Variants in RASGRF2 observed in about 807,000 individuals in gnomAD.
RASGRF2 encodes the protein Ras protein specific guanine nucleotide releasing factor 2.
RASGRF2 carries 76 observed loss-of-function variants against 151.0 expected under a neutral mutation model. That is an observed-to-expected ratio of 0.50 (90% confidence interval 0.42 to 0.61). The LOEUF is 0.61. Among genes scored for constraint, RASGRF2 ranks in the 20% least tolerant of loss-of-function variants. RASGRF2 has a pLI of 0.00. For synonymous variants in RASGRF2, 504 were observed against 566.5 expected (o/e 0.89, Z 1.57); for missense variants, 1,148 against 1,564.6 (o/e 0.73, Z 4.49).
rs58105434 is a variant in RASGRF2, at chr5:81,008,139, C to CTTTTTTTTTTTTTTTTTTTTTTTTT, written c.289-34733_289-34709dup. Among the ~76,000 whole-genome samples, 5 of 85,388 alleles carry CTTTTTTTTTTTTTTTTTTTTTTTTT rather than the reference C, an allele frequency of 5.9e-5. 1 individual carries two copies. Among genetic ancestry groups the CTTTTTTTTTTTTTTTTTTTTTTTTT allele is most frequent in the African/African-American group, 1.4e-4 (3 of 21,470 alleles). 56.0% of individuals were successfully genotyped at this position (85,388 alleles called of 152,430 possible). On this transcript the variant is annotated intron_variant, in intron 1 of 26. Coordinates refer to ENST00000265080, the MANE Select transcript of RASGRF2 (RefSeq NM_006909.3). Reference sequence around the variant, plus strand: ...AGTTTTCTTTTTCTTTCTTTCTTTCCTTTTTTTTTTTTTTTTTTTTTTTTT... The same window carrying CTTTTTTTTTTTTTTTTTTTTTTTTT: ...AGTTTTCTTTTTCTTTCTTTCTTTCCTTTTTTTTTTTTTTTTTTTTTTTTTTTTTTTTTTTTTTTTTTTTTTTTTT...
At chr5:81,020,158 G>A (rs1749778889) in intron 1 of RASGRF2, among the ~76,000 whole-genome samples, 1 of 152,140 alleles carries the variant, frequency 6.6e-6, no homozygotes, top group East Asian at 1.9e-4. Context: ...TGATTTTGTT[G>A]TCTTTCTGGC....
At chr5:81,201,511 G>C (rs1377571945) in intron 19 of RASGRF2, 69 bp downstream of exon 19, 1 of 1,498,500 alleles carries the variant, frequency 6.7e-7, no homozygotes, top group Non-Finnish European at 9.1e-7. Flanking sequence ...GAAAATAAGA[G>C]CCAATAAATC....
intron 18 of RASGRF2, among the ~76,000 whole-genome samples, chr5:81,194,725 C>T (rs949984316): frequency 6.6e-6 from 1 of 152,174 alleles, no homozygotes; most frequent in African/African-American, 2.4e-5. Context: ...TCCTAAGGGT[C>T]AGTAGGGCGT....
chr5:81,165,571 T>C (rs535418380), intron 17 of RASGRF2, among the ~76,000 whole-genome samples: 3 of 152,336 alleles, frequency 2.0e-5, no homozygotes, highest in African/African-American at 4.8e-5. Context: ...AAAATCCATC[T>C]TTCAAAGAAT....
intron 2 of RASGRF2, among the ~76,000 whole-genome samples, chr5:81,049,219 AC>A (rs1305831289): frequency 6.7e-6 from 1 of 149,166 alleles, no homozygotes; most frequent in Non-Finnish European, 1.5e-5. Context: ...TTATAGTTCC[AC>A]CCCCTCCCCC....
At chr5:81,071,778 G>A (rs912879026) in intron 4 of RASGRF2, among the ~76,000 whole-genome samples, 5 of 151,888 alleles carry the variant, frequency 3.3e-5, no homozygotes, top group African/African-American at 4.8e-5. Context: ...GTATGTAGTT[G>A]CATGTAAAGA....
At chr5:81,051,457 A>G (rs1479103319) in intron 2 of RASGRF2, among the ~76,000 whole-genome samples, 5 of 152,090 alleles carry the variant, frequency 3.3e-5, no homozygotes, top group Non-Finnish European at 7.4e-5. Flanking sequence ...CACAAAAGAA[A>G]CCCCATATCC....
chr5:81,204,189 T>G (rs1426548814), intron 19 of RASGRF2: 2 of 152,246 alleles, frequency 1.3e-5, no homozygotes, highest in African/African-American at 2.4e-5. Context: ...CCTGGAATGT[T>G]CATCAATGCC....
chr5:80,996,343 G>C (rs1377495976), intron 1 of RASGRF2, among the ~76,000 whole-genome samples: 4 of 151,796 alleles, frequency 2.6e-5, no homozygotes, highest in African/African-American at 9.7e-5. Context: ...TAATTTATAC[G>C]ACTCACTTTT....
intron 17 of RASGRF2, among the ~76,000 whole-genome samples, chr5:81,144,880 C>G (rs949812469): frequency 6.6e-6 from 1 of 152,030 alleles, no homozygotes; most frequent in Admixed American, 6.5e-5. Context: ...TAACCACCAC[C>G]CTACTCTGCT....
intron 23 of RASGRF2, 22 bp from the exon 24 acceptor site, chr5:81,215,854 A>T: frequency 6.6e-7 from 1 of 1,507,030 alleles, no homozygotes; most frequent in African/African-American, 1.4e-5. Flanking sequence ...TCATCACACT[A>T]AGTTTTTTCT....
At chr5:81,048,033 C>A (rs508526) in intron 2 of RASGRF2, among the ~76,000 whole-genome samples, 55,880 of 152,014 alleles carry the variant, frequency 0.37, 10,563 homozygotes, top group Middle Eastern at 0.61. Flanking sequence ...ATATCATATC[C>A]TCCCCTTAAA....
chr5:81,112,590 G>A lies in RASGRF2; in HGVS notation c.1839-20G>A. 1 of 1,613,658 alleles carries A rather than the reference G, an allele frequency of 6.2e-7. No homozygotes were observed. The highest frequency in any genetic ancestry group is 1.3e-5 in the African/African-American group (1 of 75,042). ...AGCCTCCTCCTGGTTTTACCATCAT[G>A]TTCCTGCCTTTGCACGTAGGTCTGA... On this transcript the variant is annotated intron_variant, in intron 13 of 26. Coordinates refer to ENST00000265080, the MANE Select transcript of RASGRF2 (RefSeq NM_006909.3).
intron 1 of RASGRF2, among the ~76,000 whole-genome samples, chr5:80,982,822 G>C (rs868866842): frequency 3.3e-5 from 5 of 151,908 alleles, no homozygotes; most frequent in East Asian, 1.9e-4. Flanking sequence ...GGATGGTCTC[G>C]ATCTCCTGAC....
intron 17 of RASGRF2, among the ~76,000 whole-genome samples, chr5:81,154,206 A>G (rs1040853153): frequency 2.0e-5 from 3 of 152,200 alleles, no homozygotes; most frequent in African/African-American, 7.2e-5. Context: ...CTATCAACCA[A>G]CTTGACCTAA....
At chr5:81,222,657 T>C (rs554274406) in intron 26 of RASGRF2, among the ~76,000 whole-genome samples, 2 of 151,872 alleles carry the variant, frequency 1.3e-5, no homozygotes, top group Non-Finnish European at 2.9e-5. Flanking sequence ...GTGTTTATTG[T>C]CATAGCCCCA....
intron 1 of RASGRF2, among the ~76,000 whole-genome samples, chr5:81,020,572 C>A (rs1290710289): frequency 6.6e-6 from 1 of 152,004 alleles, no homozygotes; most frequent in Admixed American, 6.6e-5. Flanking sequence ...ACAGGGCTGG[C>A]TGGGAAGAGA....
chr5:80,971,460 T>C (rs1221943327), intron 1 of RASGRF2, among the ~76,000 whole-genome samples: 1 of 152,146 alleles, frequency 6.6e-6, no homozygotes, highest in Non-Finnish European at 1.5e-5. Flanking sequence ...AGTGCAATAA[T>C]GTGATCATGG....
intron 1 of RASGRF2, among the ~76,000 whole-genome samples, chr5:81,022,342 T>C (rs545846478): frequency 2.6e-5 from 4 of 152,180 alleles, no homozygotes; most frequent in Non-Finnish European, 1.5e-5. Flanking sequence ...CCCACGGAGA[T>C]GCTCAGGGAG....
Sources: allele counts gnomAD v4.1 joint callset (sites outside exome capture counted in the v4.1 genomes callset), GRCh38; gene constraint gnomAD v4.1.1; transcripts MANE v1.5; gene names NCBI Gene and HGNC (gene_info 2026-07-23, HGNC 2026-07-21).